TMT1B: variants seen among roughly 807,000 people sequenced by gnomAD.
TMT1B encodes the protein thiol S-methyltransferase TMT1B.
chr12:55,682,367 C>T, the TMT1B span: 2 of 974,906 alleles, frequency 2.1e-6, no homozygotes, highest in Non-Finnish European at 3.0e-6. Context: ...TTAGACACCC[C>T]ATCCACCTCT....
At chr12:55,682,090 TGAG>T in the TMT1B span, 2 of 1,614,070 alleles carry the variant, frequency 1.2e-6, no homozygotes, top group South Asian at 1.1e-5. Context: ...AGAGCATGGC[TGAG>T]AACAGGCACC....
chr12:55,683,174 T>TTA, the TMT1B span, among the ~76,000 whole-genome samples: 1 of 152,056 alleles, frequency 6.6e-6, no homozygotes, highest in Non-Finnish European at 1.5e-5. Context: ...CTGGGTTTTG[T>TTA]GAGAGAGGTT....
At chr12:55,684,349 T>TG in the TMT1B span, 1 of 362,522 alleles carries the variant, frequency 2.8e-6, no homozygotes, top group Non-Finnish European at 5.2e-6. Context: ...CCTCCCAATG[T>TG]TGTCCCTTTC....
chr12:55,682,314 G>T, the TMT1B span: 1 of 1,538,628 alleles, frequency 6.5e-7, no homozygotes, highest in Non-Finnish European at 8.8e-7. Context: ...CCGCCCCAGG[G>T]TTCGGCCCCC....
the TMT1B span, among the ~76,000 whole-genome samples, chr12:55,683,191 G>C: frequency 2.4e-4 from 36 of 152,226 alleles, no homozygotes; most frequent in African/African-American, 8.4e-4. Flanking sequence ...GGTTGTGCGT[G>C]TATCTCAGAA....
At chr12:55,683,736 T>C in the TMT1B span, 1 of 1,412,950 alleles carries the variant, frequency 7.1e-7, no homozygotes, top group Non-Finnish European at 9.9e-7. Context: ...ACCAAGAAGT[T>C]TGACTGTCTT....
the TMT1B span, chr12:55,681,981 A>G: frequency 4.3e-6 from 7 of 1,614,226 alleles, no homozygotes; most frequent in Non-Finnish European, 5.9e-6. Flanking sequence ...GCCCTACTGG[A>G]GCTGGGCTGC....
chr12:55,681,943 G>T, the TMT1B span: 2 of 1,614,192 alleles, frequency 1.2e-6, no homozygotes, highest in South Asian at 2.2e-5. Flanking sequence ...GCCAGATAAA[G>T]GGGCTTACAG....
chr12:55,681,745 C>A, the TMT1B span: 1 of 1,541,258 alleles, frequency 6.5e-7, no homozygotes, highest in South Asian at 1.2e-5. Flanking sequence ...CAGCTCAGAG[C>A]TGGTCTGCCA....
At chr12:55,683,688 T>C in the TMT1B span, 1 of 935,734 alleles carries the variant, frequency 1.1e-6, no homozygotes, top group Admixed American at 2.0e-5. Context: ...GGCACGACAG[T>C]TTGCTCCATG....
chr12:55,681,961 C>T, the TMT1B span: 8 of 1,614,180 alleles, frequency 5.0e-6, no homozygotes, highest in Middle Eastern at 1.6e-4. Flanking sequence ...CAGGAGCCTC[C>T]GGGAAAGTGG....
the TMT1B span, chr12:55,681,899 C>T: frequency 1.1e-4 from 177 of 1,612,920 alleles, no homozygotes; most frequent in East Asian, 3.1e-3. Context: ...CAAGAGCAAC[C>T]GCAAGATGGA....
the TMT1B span, chr12:55,684,038 G>T: frequency 6.2e-7 from 1 of 1,613,072 alleles, no homozygotes; most frequent in Non-Finnish European, 8.5e-7. Flanking sequence ...CATGGGAAAG[G>T]CTGTCAAATA....
chr12:55,683,054 G>A, the TMT1B span, among the ~76,000 whole-genome samples: 81 of 152,316 alleles, frequency 5.3e-4, no homozygotes, highest in South Asian at 3.1e-3. Context: ...CACCTAGGGA[G>A]AGTATAGTGA....
the TMT1B span, chr12:55,682,029 G>A: frequency 6.2e-7 from 1 of 1,614,288 alleles, no homozygotes; most frequent in African/African-American, 1.3e-5. Flanking sequence ...CCACCGGGCT[G>A]CAGGGTCACC....
chr12:55,681,887 C>G, the TMT1B span: 1 of 1,611,158 alleles, frequency 6.2e-7, no homozygotes, highest in African/African-American at 1.3e-5. Flanking sequence ...CGTGCTGACT[C>G]CCAAGAGCAA....
chr12:55,684,173 A>G, the TMT1B span: 1 of 883,080 alleles, frequency 1.1e-6, no homozygotes, highest in Non-Finnish European at 1.8e-6. Flanking sequence ...ACATTCATGT[A>G]CCACCTACTA....
At chr12:55,683,347 T>G in the TMT1B span, among the ~76,000 whole-genome samples, 139 of 152,038 alleles carry the variant, frequency 9.1e-4, 3 homozygotes, top group East Asian at 0.01. Context: ...ATACAAAAAG[T>G]AGCCGGGCGT....
the TMT1B span, chr12:55,681,856 C>G: frequency 6.3e-7 from 1 of 1,589,422 alleles, no homozygotes; most frequent in Non-Finnish European, 8.6e-7. Context: ...TGTGCAAAAG[C>G]TACTTCCCCT....
Sources: gnomAD v4.1 joint callset for allele counts (sites outside exome capture counted in the v4.1 genomes callset) on GRCh38, gnomAD v4.1.1 for gene constraint, MANE v1.5 for transcripts, NCBI Gene and HGNC (gene_info 2026-07-23, HGNC 2026-07-21) for gene names.